Variants in TMC2 observed in about 807,000 individuals in gnomAD.
TMC2 encodes the protein transmembrane channel like 2, also known as transmembrane channel-like protein 2.
TMC2 carries 102 observed loss-of-function variants against 105.9 expected under a neutral mutation model. The ratio of observed to expected loss-of-function variants is 0.96; its 90% CI spans 0.82 to 1.14. The LOEUF (loss-of-function observed/expected upper bound fraction) is 1.14. Among genes scored for constraint, TMC2 ranks in the 50% most tolerant of loss-of-function variants. The probability of loss-of-function intolerance (pLI) is 0.00; values close to 1 mark genes in which losing one functional copy is unlikely to be tolerated. For missense variants in TMC2, 1,093 were observed against 1,134.3 expected (o/e 0.96, Z 0.52); for synonymous variants, 402 against 422.8 (o/e 0.95, Z 0.60).
At chr20:2,542,159 G>T (rs1374874964) in intron 2 of TMC2, among the ~76,000 whole-genome samples, 1 of 152,120 alleles carries the variant, frequency 6.6e-6, no homozygotes, top group Non-Finnish European at 1.5e-5. Context: ...GGGGAAAAAA[G>T]GATTGAATTA....
At chr20:2,543,110 A>G (rs984889291) in intron 2 of TMC2, among the ~76,000 whole-genome samples, 4 of 151,702 alleles carry the variant, frequency 2.6e-5, no homozygotes, top group Non-Finnish European at 4.4e-5. Flanking sequence ...GGTGGCATAC[A>G]CCTGTAATCC....
intron 7 of TMC2, among the ~76,000 whole-genome samples, chr20:2,588,790 T>G (rs895962794): frequency 1.3e-5 from 2 of 151,938 alleles, no homozygotes; most frequent in Non-Finnish European, 2.9e-5. Flanking sequence ...ATCTTCCATC[T>G]TTTTCTCTAT....
At chr20:2,621,101 G>A (rs569239242) in intron 16 of TMC2, among the ~76,000 whole-genome samples, 3 of 152,124 alleles carry the variant, frequency 2.0e-5, no homozygotes, top group Admixed American at 6.5e-5. Flanking sequence ...AGTGGCTCAC[G>A]CCTGTAATCC....
intron 9 of TMC2, among the ~76,000 whole-genome samples, chr20:2,595,601 A>C (rs1445101041): frequency 6.6e-6 from 1 of 152,146 alleles, no homozygotes; most frequent in Admixed American, 6.5e-5. Flanking sequence ...ATTCTCTGAA[A>C]ACTTGGCCCA....
chr20:2,592,488 C>A lies in TMC2; in HGVS notation c.933+80C>A. ...TTGCATGGATAAGTATGAAATAGTG[C>A]GTTTAATTATTGAAAAACCATTGCT... On this transcript the variant is annotated intron_variant, in intron 8 of 19. Coordinates refer to ENST00000358864, the MANE Select transcript of TMC2 (RefSeq NM_080751.3). This position sits in a 1 kb window ranked among gnomAD's most constrained non-coding sequence, Gnocchi z 4.9. 3 of 988,868 alleles carry A rather than the reference C, an allele frequency of 3.0e-6. No individual in the cohort carries two copies. Among genetic ancestry groups the A allele is most frequent in the Non-Finnish European group, 4.9e-6 (3 of 617,548 alleles). The allele number at this position is 988,868 out of a possible 1,614,324, so 61.3% of individuals were successfully genotyped here. A position where few individuals can be genotyped will look rare whatever the true frequency, so the allele number is the denominator to read the frequency against.
chr20:2,585,929 A>T (rs534224755), intron 7 of TMC2, among the ~76,000 whole-genome samples: 1 of 152,298 alleles, frequency 6.6e-6, no homozygotes, highest in East Asian at 1.9e-4. Context: ...ATTCCTTAGT[A>T]GTGAGTCACT....
At chr20:2,635,587 C>A (rs1048123877) in intron 17 of TMC2, among the ~76,000 whole-genome samples, 1 of 152,194 alleles carries the variant, frequency 6.6e-6, no homozygotes, top group Admixed American at 6.5e-5. Context: ...TGGCACAGGG[C>A]AGGTGCCCAG....
At chr20:2,554,989 T>C (rs1246370889) in intron 2 of TMC2, among the ~76,000 whole-genome samples, 1 of 152,262 alleles carries the variant, frequency 6.6e-6, no homozygotes, top group African/African-American at 2.4e-5. Context: ...TACTATTTTC[T>C]GCCTGCTGGC....
At chr20:2,584,369 G>A (rs6138498) in intron 7 of TMC2, among the ~76,000 whole-genome samples, 61,676 of 139,610 alleles carry the variant, frequency 0.44, 15,688 homozygotes, top group South Asian at 0.57. Flanking sequence ...GCGTGAACCC[G>A]GGAGGCGGAG....
chr20:2,609,504 G>T (rs1024174495), intron 11 of TMC2, among the ~76,000 whole-genome samples: 1 of 152,106 alleles, frequency 6.6e-6, no homozygotes, highest in African/African-American at 2.4e-5. Context: ...GGCTCAACAA[G>T]AATAAACCAA....
At chr20:2,626,773 G>A (rs1215328713) in intron 17 of TMC2, among the ~76,000 whole-genome samples, 1 of 152,210 alleles carries the variant, frequency 6.6e-6, no homozygotes, top group Non-Finnish European at 1.5e-5. Context: ...AAAGCCTACA[G>A]TGTTTACCAA....
chr20:2,565,103 A>G (rs2086054704), intron 4 of TMC2, among the ~76,000 whole-genome samples: 3 of 152,118 alleles, frequency 2.0e-5, no homozygotes, highest in Admixed American at 2.0e-4. Context: ...ATTCCAAGGC[A>G]CTGTCCACTC....
At position 2,616,086 on chromosome 20, in the gene TMC2, A is replaced by C; in HGVS notation, c.1873-51A>C. ...TAGTAGGGTTTGGCTGAATTCACCAAACGTGCTTTTTTTTTTCTCTCTCTC... is the reference window on the plus strand; with the variant it reads ...TAGTAGGGTTTGGCTGAATTCACCACACGTGCTTTTTTTTTTCTCTCTCTC... On this transcript the variant is annotated intron_variant, in intron 14 of 19. Transcript: ENST00000358864. This position sits in a 1 kb window ranked among gnomAD's most constrained non-coding sequence, Gnocchi z 4.8. 1 of 1,526,214 alleles carries C rather than the reference A, an allele frequency of 6.6e-7. No homozygotes were observed. Among genetic ancestry groups the C allele is most frequent in the East Asian group, 2.3e-5 (1 of 43,784 alleles). 94.5% of individuals were successfully genotyped at this position (1,526,214 alleles called of 1,614,324 possible).
At chr20:2,537,059 G>T (rs1434456507) in intron 1 of TMC2, among the ~76,000 whole-genome samples, 1 of 152,334 alleles carries the variant, frequency 6.6e-6, no homozygotes, top group East Asian at 1.9e-4. Context: ...TGCAGGGCAG[G>T]GGGTGGGGGA....
At position 2,641,147 on chromosome 20, in the gene TMC2, C is replaced by T; in HGVS notation, c.2517C>T (p.Pro839=). The change falls in exon 20 of 20, where the codon CCC becomes CCT. Residue 839 remains proline, a synonymous_variant. Transcript: ENST00000358864. ...LQLTKEETTP[P]SASQSQAMDK... is the part of the protein sequence containing the mutation. ...TTCGTTTTCCAGAGACCACTCCTCC[C>T]TCTGCCAGCCAAAGCCAGGCCATGG... 6.2e-7 allele frequency: 1 copy of T among 1,614,174 alleles called. No homozygotes were observed. Among genetic ancestry groups the T allele is most frequent in the Non-Finnish European group, 8.5e-7 (1 of 1,180,028 alleles).
chr20:2,558,917 GC>G lies in TMC2; in HGVS notation c.401+146del. The stretch of plus-strand genomic sequence containing the variant: ...CTCGCTCTGGCTTCCGTGCCTCCCA[GC>G]CCTTACCACTGCCCCACTCTGCGGT... On this transcript the variant is annotated intron_variant, in intron 3 of 19. Coordinates refer to ENST00000358864, the MANE Select transcript of TMC2 (RefSeq NM_080751.3). This position sits in a 1 kb window ranked among gnomAD's most constrained non-coding sequence, Gnocchi z 4.6. 1.2e-6 allele frequency: 1 copy of G among 825,710 alleles called. No individual in the cohort carries two copies. The highest frequency in any genetic ancestry group is 1.9e-5 in the South Asian group (1 of 53,254). 51.1% of individuals were successfully genotyped at this position (825,710 alleles called of 1,614,324 possible). A position where few individuals can be genotyped will look rare whatever the true frequency, so the allele number is the denominator to read the frequency against.
In TMC2 at chr20:2,592,437, C is replaced by A. The variant is rs1374493462; in HGVS notation, c.933+29C>A. Reference sequence around the variant, plus strand: ...CTATTGTCAACATGCCAATGAACTTCCATTTGTGATTATAAAGGCTAAAGA... The same window carrying A: ...CTATTGTCAACATGCCAATGAACTTACATTTGTGATTATAAAGGCTAAAGA... On this transcript the variant is annotated intron_variant, in intron 8 of 19. Coordinates refer to ENST00000358864, the MANE Select transcript of TMC2 (RefSeq NM_080751.3). This position sits in a 1 kb window ranked among gnomAD's most constrained non-coding sequence, Gnocchi z 4.9. The A allele has an allele frequency of 3.5e-6, 5 of 1,431,444 alleles. No individual in the cohort carries two copies. The highest frequency in any genetic ancestry group is 4.9e-6 in the Non-Finnish European group (5 of 1,013,634). The allele number at this position is 1,431,444 out of a possible 1,614,324, so 88.7% of individuals were successfully genotyped here. A position where few individuals can be genotyped will look rare whatever the true frequency, so the allele number is the denominator to read the frequency against.
intron 13 of TMC2, among the ~76,000 whole-genome samples, 196 bp from the exon 14 acceptor site, chr20:2,612,998 A>T (rs1371917355): frequency 6.6e-6 from 1 of 152,244 alleles, no homozygotes; most frequent in East Asian, 1.9e-4. Flanking sequence ...ACAATTGGTA[A>T]TGTGGAGCTG....
chr20:2,637,385 C>A (rs1451329276), intron 18 of TMC2, 89 bp from the exon 19 acceptor site: 51 of 593,154 alleles, frequency 8.6e-5, no homozygotes, highest in Non-Finnish European at 1.2e-4. Context: ...GAGACTCTGT[C>A]TCAAAAAAAA....
Sources: allele counts gnomAD v4.1 joint callset (sites outside exome capture counted in the v4.1 genomes callset), GRCh38; gene constraint gnomAD v4.1.1; non-coding constraint Gnocchi (gnomAD v3.1); transcripts MANE v1.5; gene names NCBI Gene and HGNC (gene_info 2026-07-23, HGNC 2026-07-21).